The following DPP6 variants were observed in gnomAD, a reference collection of about 807,000 sequenced individuals.
DPP6 encodes the protein A-type potassium channel modulatory protein DPP6.
Under a neutral mutation model 122.6 loss-of-function variants are expected in DPP6, and 69 were observed. The ratio of observed to expected loss-of-function variants is 0.56; its 90% CI spans 0.46 to 0.69. DPP6 has a LOEUF of 0.69. Ranked by LOEUF, DPP6 falls within the 30% of genes least tolerant of loss-of-function variation. The pLI is 0.00. For missense variants in DPP6, 928 were observed against 1,116.9 expected, an observed-to-expected ratio of 0.83 and a Z score of 2.41; for synonymous variants, 418 against 433.1, an observed-to-expected ratio of 0.97 and a Z score of 0.43.
At chr7:154,326,369 T>C (rs929099657) in intron 1 of DPP6, among the ~76,000 whole-genome samples, 1 of 152,168 alleles carries the variant, frequency 6.6e-6, no homozygotes, top group African/African-American at 2.4e-5. Flanking sequence ...TTTTGTATTC[T>C]TAAGTCATCT....
chr7:154,783,462 C>T lies in DPP6; in HGVS notation c.1136+10520C>T, dbSNP rs574764882. ...ACCAACAGGTTTACAGGGAGCAGCG[C>T]GGGTCAGTGGCGTGTGGCATTATTG... On this transcript the variant is annotated intron_variant, in intron 10 of 25. Transcript: ENST00000377770. Among the ~76,000 whole-genome samples, 8 of 152,252 alleles carry T rather than the reference C, an allele frequency of 5.3e-5. No homozygotes were observed. In the South Asian group the frequency reaches 8.3e-4, roughly 16 times the overall value.
rs150782198 is a variant in DPP6, at chr7:154,063,564, C to T, written c.243+10501C>T. On this transcript the variant is annotated intron_variant, in intron 1 of 25. Coordinates refer to ENST00000377770, the MANE Select transcript of DPP6 (RefSeq NM_130797.4). ...CGAGGGTGGGGACTGAGAGCTATCC[C>T]CTCTTCCGCCTCTGGCTGATAGTAC... is the stretch of plus-strand genomic sequence containing the variant. Among the ~76,000 whole-genome samples the T allele has an allele frequency of 7.9e-5, 10 of 126,096 alleles. 2 individuals are homozygous for T. The South Asian group carries it at 9.2e-4, about 12-fold the overall frequency. 82.7% of individuals were successfully genotyped at this position (126,096 alleles called of 152,430 possible).
chr7:154,874,292 A>C (rs1447067599), intron 19 of DPP6, among the ~76,000 whole-genome samples: 3 of 152,220 alleles, frequency 2.0e-5, no homozygotes, highest in East Asian at 3.8e-4. Context: ...AAAGCATTTC[A>C]GTTTACAAAA....
intron 1 of DPP6, among the ~76,000 whole-genome samples, chr7:154,358,438 T>C (rs1283203166): frequency 2.0e-5 from 3 of 152,154 alleles, no homozygotes; most frequent in Non-Finnish European, 4.4e-5. Context: ...GGCGGAGATG[T>C]GTCTGAAAGG....
At chr7:153,988,059 G>T (rs548167639) in intron 1 of DPP6, among the ~76,000 whole-genome samples, 17 of 152,302 alleles carry the variant, frequency 1.1e-4, no homozygotes, top group African/African-American at 4.1e-4. Context: ...CTCAGCAACT[G>T]CTCTCTAATT....
At chr7:154,440,314 C>G (rs139851495) in intron 1 of DPP6, among the ~76,000 whole-genome samples, 4 of 152,008 alleles carry the variant, frequency 2.6e-5, no homozygotes, top group Admixed American at 6.6e-5. Context: ...TCATACCTTG[C>G]GGCCATATCC....
At chr7:154,411,693 G>A (rs1166055496) in intron 1 of DPP6, among the ~76,000 whole-genome samples, 1 of 152,076 alleles carries the variant, frequency 6.6e-6, no homozygotes, top group Non-Finnish European at 1.5e-5. Context: ...TTTCTTTTAG[G>A]CTCAACGATA....
chr7:153,967,997 A>G (rs1405290674), intron 1 of DPP6, among the ~76,000 whole-genome samples: 2 of 150,950 alleles, frequency 1.3e-5, no homozygotes, highest in Admixed American at 1.3e-4. Flanking sequence ...TGTTTTTGCT[A>G]TTGTGAGTAG....
intron 1 of DPP6, among the ~76,000 whole-genome samples, chr7:153,926,097 A>G (rs4726346): frequency 0.59 from 89,227 of 151,940 alleles, 26,988 homozygotes; most frequent in African/African-American, 0.73. Context: ...TGTTCATTCA[A>G]CAAGAATTGA....
intron 1 of DPP6, among the ~76,000 whole-genome samples, chr7:154,194,710 C>T (rs552898688): frequency 6.6e-6 from 1 of 152,348 alleles, no homozygotes; most frequent in East Asian, 1.9e-4. Context: ...GTTTCGTTCG[C>T]ACTTGCCTAG....
chr7:153,884,002 T>A (rs943668085), upstream of DPP6, among the ~76,000 whole-genome samples: 5 of 152,118 alleles, frequency 3.3e-5, no homozygotes, highest in African/African-American at 1.2e-4. Context: ...TTTGGGGGAA[T>A]TTTTATTTTT....
At chr7:153,992,738 C>T (rs1411304633) in intron 1 of DPP6, among the ~76,000 whole-genome samples, 4 of 152,356 alleles carry the variant, frequency 2.6e-5, no homozygotes, top group African/African-American at 9.6e-5. Flanking sequence ...TCTTCTCCTA[C>T]ATGCAATTGA....
At chr7:153,753,542 A>G in the DPP6 span, among the ~76,000 whole-genome samples, 2 of 151,418 alleles carry the variant, frequency 1.3e-5, no homozygotes. Context: ...ATACTTAAAG[A>G]GTAATCGTTT....
At chr7:154,293,106 C>A (rs981935280) in intron 1 of DPP6, among the ~76,000 whole-genome samples, 2 of 152,122 alleles carry the variant, frequency 1.3e-5, no homozygotes, top group Admixed American at 6.6e-5. Context: ...TTAGGAAATA[C>A]TCTTTTTTTA....
intron 10 of DPP6, among the ~76,000 whole-genome samples, chr7:154,787,322 T>C (rs1797394393): frequency 6.6e-6 from 1 of 152,248 alleles, no homozygotes; most frequent in Admixed American, 6.5e-5. Flanking sequence ...ATTTGGGTTT[T>C]TTTAAAAAAA....
At chr7:154,887,170 A>G (rs1413446175) in intron 22 of DPP6, among the ~76,000 whole-genome samples, 1 of 152,208 alleles carries the variant, frequency 6.6e-6, no homozygotes, top group Non-Finnish European at 1.5e-5. Context: ...CCTGCAGGCC[A>G]GGGGCACTGT....
chr7:154,403,501 C>A lies in DPP6; in HGVS notation c.244-42713C>A. On this transcript the variant is annotated intron_variant, in intron 1 of 25. Transcript: ENST00000377770. This position sits in a 1 kb window ranked among gnomAD's most constrained non-coding sequence, Gnocchi z 4.1. ...GGCTGGGGGGCGCTAATGCAGCTTTCTCTCCTGGAGCCTCTCATCTCCACC... is the reference window on the plus strand; with the variant it reads ...GGCTGGGGGGCGCTAATGCAGCTTTATCTCCTGGAGCCTCTCATCTCCACC... Among the ~76,000 whole-genome samples the A allele has an allele frequency of 6.6e-6, 1 of 152,180 alleles. No individual in the cohort carries two copies. The highest frequency in any genetic ancestry group is 1.9e-4 in the East Asian group (1 of 5,182).
rs890335808 is a variant in DPP6 at position 154,604,508 on chromosome 7, T to C, written c.628-33313T>C. ...ACTAAGTTGGAGAGAATTGACTACTTTATGATGTTGAATTATCCCATCCTG... is the reference window on the plus strand; with the variant it reads ...ACTAAGTTGGAGAGAATTGACTACTCTATGATGTTGAATTATCCCATCCTG... On this transcript the variant is annotated intron_variant, in intron 5 of 25. Coordinates refer to ENST00000377770, the MANE Select transcript of DPP6 (RefSeq NM_130797.4). Among the ~76,000 whole-genome samples, 16 of 120,990 alleles carry C rather than the reference T, an allele frequency of 1.3e-4. 2 individuals carry two copies. Among genetic ancestry groups the C allele is most frequent in the African/African-American group, 4.2e-4 (16 of 38,076 alleles). The allele number at this position is 120,990 out of a possible 152,430, so 79.4% of individuals were successfully genotyped here. A position where few individuals can be genotyped will look rare whatever the true frequency, so the allele number is the denominator to read the frequency against.
intron 1 of DPP6, chr7:154,058,252 C>T (rs1315301932): frequency 6.7e-6 from 1 of 149,756 alleles, no homozygotes; most frequent in African/African-American, 2.5e-5. Context: ...GGGAGGCACC[C>T]CTCGTGATGC....
Sources: gnomAD v4.1 joint callset for allele counts (sites outside exome capture counted in the v4.1 genomes callset) on GRCh38, gnomAD v4.1.1 for gene constraint, Gnocchi (gnomAD v3.1) non-coding constraint, MANE v1.5 for transcripts, NCBI Gene and HGNC (gene_info 2026-07-23, HGNC 2026-07-21) for gene names.